AGXT2: variants seen among roughly 807,000 people sequenced by gnomAD.
The protein encoded by AGXT2 is alanine--glyoxylate aminotransferase 2, mitochondrial.
AGXT2 carries 61 observed loss-of-function variants against 62.5 expected under a neutral mutation model. That is an observed-to-expected ratio of 0.98 (90% confidence interval 0.79 to 1.21). The LOEUF (loss-of-function observed/expected upper bound fraction) is 1.21, where lower values mean the gene tolerates loss of function less well. Among genes scored for constraint, AGXT2 ranks in the 50% most tolerant of loss-of-function variants. The pLI is 0.00. For missense variants in AGXT2, 666 were observed against 641.5 expected (o/e 1.04, Z -0.41); for synonymous variants, 243 against 218.7 (o/e 1.11, Z -0.98).
At chr5:35,002,088 A>G (rs1237277815) in intron 13 of AGXT2, among the ~76,000 whole-genome samples, 1 of 152,174 alleles carries the variant, frequency 6.6e-6, no homozygotes, top group East Asian at 1.9e-4. Flanking sequence ...GCCAAATAAC[A>G]AAGGAAGAGC....
chr5:35,014,452 CAA>C (rs61052930), intron 9 of AGXT2, among the ~76,000 whole-genome samples: 5 of 86,230 alleles, frequency 5.8e-5, no homozygotes, highest in East Asian at 3.7e-4. Context: ...GACTCCATCT[CAA>C]AAAAAAAAAA....
intron 13 of AGXT2, among the ~76,000 whole-genome samples, chr5:35,001,573 G>C (rs13169995): frequency 0.3 from 45,542 of 151,960 alleles, 7,739 homozygotes; most frequent in Non-Finnish European, 0.39. Flanking sequence ...TATTTTATAG[G>C]CTTGTTGGGA....
chr5:35,036,869 C>G, intron 4 of AGXT2, 73 bp downstream of exon 4: 3 of 1,605,768 alleles, frequency 1.9e-6, no homozygotes, highest in South Asian at 1.1e-5. Flanking sequence ...AGACTCCTGT[C>G]TCTTTGAGCT....
At chr5:35,012,929 G>A (rs1219426128) in intron 11 of AGXT2, 25 bp downstream of exon 11, 1 of 1,547,280 alleles carries the variant, frequency 6.5e-7, no homozygotes. Flanking sequence ...AAATGAGTGA[G>A]GTTAATGTGG....
rs1412529771 is a variant in AGXT2 at position 35,000,733 on chromosome 5, G to C, written c.1438-1907C>G. ...TGCAGGTTTCTATCTTCATCTCACT[G>C]AGCTTCTCATCTAGACATTAGACTT... On this transcript the variant is annotated intron_variant, in intron 13 of 13. Transcript: ENST00000231420. 1.3e-5 allele frequency among the ~76,000 whole-genome samples: 2 copies of C among 152,164 alleles called. 1 individual carries two copies. The highest frequency in any genetic ancestry group is 2.9e-5 in the Non-Finnish European group (2 of 68,042).
chr5:35,002,794 C>T (rs771079774), intron 13 of AGXT2, among the ~76,000 whole-genome samples: 2 of 150,882 alleles, frequency 1.3e-5, no homozygotes, highest in East Asian at 1.9e-4. Context: ...GGGACTAACA[C>T]GGGAGGAAAG....
chr5:35,009,888 T>C, intron 12 of AGXT2, 112 bp downstream of exon 12: 1 of 1,434,064 alleles, frequency 7.0e-7, no homozygotes, highest in Non-Finnish European at 9.7e-7. Flanking sequence ...GCTGAAATCT[T>C]GCTGTTTGTG....
At chr5:35,025,451 T>G (rs917576472) in intron 9 of AGXT2, among the ~76,000 whole-genome samples, 1 of 152,154 alleles carries the variant, frequency 6.6e-6, no homozygotes, top group Non-Finnish European at 1.5e-5. Flanking sequence ...TGTCAGCCCC[T>G]GAAACAATCC....
chr5:35,017,738 G>A (rs943712734), intron 9 of AGXT2, among the ~76,000 whole-genome samples: 5 of 152,202 alleles, frequency 3.3e-5, no homozygotes, highest in Non-Finnish European at 5.9e-5. Flanking sequence ...ACTTTGACGA[G>A]TTGAGAGAAG....
rs372814383 is a variant in AGXT2 at position 34,998,812 on chromosome 5, C to T, written c.1452G>A (p.Ala484=). The change falls in exon 14 of 14, where the codon GCG becomes GCA. Residue 484 remains alanine, a synonymous_variant. Coordinates refer to ENST00000231420, the MANE Select transcript of AGXT2 (RefSeq NM_031900.4). ...GSIFSQTFRI[A]PSMCITKPEV... ...CTGGTTTAGTGATGCACATTGAGGG[C>T]GCAATGCGAAATGTCTGAGGAGACA... 5.5e-5 allele frequency: 89 copies of T among 1,613,186 alleles called. No homozygotes were observed. Among genetic ancestry groups the T allele is most frequent in the African/African-American group, 5.1e-4 (38 of 74,976 alleles).
At chr5:35,023,163 TG>T (rs1203162774) in intron 9 of AGXT2, among the ~76,000 whole-genome samples, 1 of 46,396 alleles carries the variant, frequency 2.2e-5, no homozygotes, top group African/African-American at 4.1e-5. Flanking sequence ...TGATGGCAGA[TG>T]TAAAAAAAAA....
intron 9 of AGXT2, among the ~76,000 whole-genome samples, chr5:35,020,885 C>A (rs1767048315): frequency 1.3e-5 from 2 of 152,036 alleles, no homozygotes; most frequent in African/African-American, 4.8e-5. Context: ...TCTCAGGATA[C>A]AAAATCAATG....
intron 7 of AGXT2, among the ~76,000 whole-genome samples, chr5:35,031,144 A>G (rs944166132): frequency 2.0e-5 from 3 of 152,168 alleles, no homozygotes; most frequent in African/African-American, 7.2e-5. Flanking sequence ...ACGGCACATC[A>G]GTGTGGATGA....
rs1297266574 is a variant in AGXT2, at chr5:35,033,570, A to G, written c.582-17T>C. ...TAGGCTCCTCTGCAGAGAAGAAACA[A>G]CAGGAGGATGGGGTCAAGTTCCTGG... On this transcript the variant is annotated splice_polypyrimidine_tract_variant and intron_variant, in intron 5 of 13. Transcript: ENST00000231420. The G allele has an allele frequency of 3.1e-6, 5 of 1,603,266 alleles. No homozygotes were observed. In the Admixed American group the frequency reaches 5.0e-5, roughly 16 times the overall value.
chr5:35,033,517 G>T lies in AGXT2; in HGVS notation c.618C>A (p.Gly206=), dbSNP rs765542804. The T allele has an allele frequency of 5.0e-6, 8 of 1,613,706 alleles. No homozygotes were observed. The highest frequency in any genetic ancestry group is 5.9e-6 in the Non-Finnish European group (7 of 1,179,740). The stretch of plus-strand genomic sequence containing the variant: ...TCTTGTAGGTCCCTACGTTTGTCAA[G>T]CCAAGTGTGTAAGGACTGCATCCAT... ...AYHGCSPYTL[G]LTNVGTYKME... is the part of the protein sequence containing the mutation. The change falls in exon 6 of 14, where the codon GGC becomes GGA. Residue 206 remains glycine, a synonymous_variant. Transcript: ENST00000231420.
Position 35,039,422 on chromosome 5 carries a change from G to A in AGXT2, c.264C>T (p.Leu88=). The A allele has an allele frequency of 6.2e-7, 1 of 1,613,924 alleles. No individual in the cohort carries two copies. Among genetic ancestry groups the A allele is most frequent in the Non-Finnish European group, 8.5e-7 (1 of 1,179,802 alleles). The part of the protein sequence containing the change: ...VTAYFQKPLL[L]HQGHMEWLFD... ...AGAGCCACTCCATGTGCCCCTGGTGGAGCAGCAGGGGTTTCTGGAAATATG... is the reference window on the plus strand; with the variant it reads ...AGAGCCACTCCATGTGCCCCTGGTGAAGCAGCAGGGGTTTCTGGAAATATG... Residue 88 remains leucine (L), a synonymous_variant, in exon 3 of 14, where the codon CTC becomes CTT. Coordinates refer to ENST00000231420, the MANE Select transcript of AGXT2 (RefSeq NM_031900.4).
At position 35,007,490 on chromosome 5, in the gene AGXT2, T is replaced by TG. The variant is rs370894704; in HGVS notation, c.1338+2509dup. 3.2e-3 allele frequency among the ~76,000 whole-genome samples: 491 copies of TG among 152,302 alleles called. 2 individuals are homozygous for TG. The highest frequency in any genetic ancestry group is 0.012 in the African/African-American group (480 of 41,540). ...GGAGATGCGATGGAGAGCTTGATCT[T>TG]GAAAAAGACTAGGATTTCCATAGGT... is the stretch of plus-strand genomic sequence containing the variant. On this transcript the variant is annotated intron_variant, in intron 12 of 13. Coordinates refer to ENST00000231420, the MANE Select transcript of AGXT2 (RefSeq NM_031900.4).
chr5:35,019,800 G>A (rs1396047571), intron 9 of AGXT2, among the ~76,000 whole-genome samples: 3 of 151,848 alleles, frequency 2.0e-5, no homozygotes, highest in African/African-American at 7.3e-5. Flanking sequence ...TTTCTGAAAG[G>A]ATCAACAAAA....
rs369577297 is a variant in AGXT2, at chr5:35,027,288, C to CCTTT, written c.770-782_770-779dup. 1.8e-3 allele frequency among the ~76,000 whole-genome samples: 267 copies of CCTTT among 151,192 alleles called. 1 individual carries two copies. Among genetic ancestry groups the CCTTT allele is most frequent in the Middle Eastern group, 6.8e-3 (2 of 294 alleles). On this transcript the variant is annotated intron_variant, in intron 7 of 13. Transcript: ENST00000231420. The stretch of plus-strand genomic sequence containing the variant: ...GACATTGAGCAATTTTGCTTGAAGG[C>CCTTT]CTTTCTTTCTTTCTTTCTTTTTGGA...
Sources: gnomAD v4.1 joint callset for allele counts (sites outside exome capture counted in the v4.1 genomes callset) on GRCh38, gnomAD v4.1.1 for gene constraint, MANE v1.5 for transcripts, NCBI Gene and HGNC (gene_info 2026-07-23, HGNC 2026-07-21) for gene names.